Variants in INTS1 observed in about 807,000 individuals in gnomAD.
INTS1 encodes the protein integrator complex subunit 1.
Under a neutral mutation model 241.6 loss-of-function variants are expected in INTS1, and 137 were observed. The observed-to-expected ratio is 0.57, with a 90% CI of 0.49 to 0.65. The LOEUF (loss-of-function observed/expected upper bound fraction) is 0.65, where lower values mean the gene tolerates loss of function less well. INTS1 is among the 30% of genes least tolerant of loss of function. INTS1 has a pLI of 0.00. For missense variants in INTS1, 3,073 were observed against 3,032.2 expected (o/e 1.01, Z -0.32); for synonymous variants, 1,692 against 1,337.8 (o/e 1.26, Z -5.78).
chr7:1,472,605 G>A (rs902810961), intron 43 of INTS1, among the ~76,000 whole-genome samples: 37 of 152,268 alleles, frequency 2.4e-4, no homozygotes, highest in African/African-American at 7.9e-4. Flanking sequence ...TGGGTTTCTC[G>A]CAATGTGGGC....
intron 44 of INTS1, 179 bp from the exon 45 acceptor site, chr7:1,471,820 C>T (rs1317048649): frequency 8.0e-6 from 5 of 621,408 alleles, no homozygotes; most frequent in African/African-American, 1.8e-5. Flanking sequence ...AATACCCGGC[C>T]CTGCCCCTAC....
intron 44 of INTS1, 200 bp from the exon 45 acceptor site, chr7:1,471,841 C>CAAG: frequency 3.3e-6 from 2 of 603,840 alleles, no homozygotes; most frequent in African/African-American, 3.7e-5. Flanking sequence ...TAGTGGCCTC[C>CAAG]AAGGAGAGGG....
rs118164482 is a variant in INTS1, at chr7:1,490,011, G to A, written c.2166-329C>T. On this transcript the variant is annotated intron_variant, in intron 16 of 47. Coordinates refer to ENST00000404767, the MANE Select transcript of INTS1 (RefSeq NM_001080453.3). ...AACAGACACCACCCCAGGAGCCACC[G>A]AGATGGAATTATTGTAACGATACAA... Among the ~76,000 whole-genome samples, 831 of 152,310 alleles carry A rather than the reference G, an allele frequency of 5.5e-3. 7 individuals are homozygous for A. Among genetic ancestry groups the A allele is most frequent in the Non-Finnish European group, 0.01 (684 of 68,026 alleles).
intron 30 of INTS1, 145 bp from the exon 31 acceptor site, chr7:1,479,829 G>A (rs1198522689): frequency 2.2e-6 from 2 of 926,570 alleles, no homozygotes; most frequent in Non-Finnish European, 3.1e-6. Context: ...CTTGTGGCCT[G>A]AGGGGCCCAG....
chr7:1,492,627 T>G (rs1428604762), intron 16 of INTS1, among the ~76,000 whole-genome samples: 1 of 152,258 alleles, frequency 6.6e-6, no homozygotes, highest in African/African-American at 2.4e-5. Flanking sequence ...ATAAACTCGT[T>G]GTGTAAAAAA....
rs371125105 is a variant in INTS1, at chr7:1,496,020, G to A, written c.1711+136C>T. On this transcript the variant is annotated intron_variant, in intron 12 of 47. Coordinates refer to ENST00000404767, the MANE Select transcript of INTS1 (RefSeq NM_001080453.3). ...ACGGGGACGGCAGCTTCCAGGCTCC[G>A]TGTCCCCGAGTAGCCGTGCTGCGGG... 9.5e-4 allele frequency: 627 copies of A among 658,384 alleles called. 4 individuals carry two copies. The East Asian group carries it at 9.8e-3, about 10-fold the overall frequency. The allele number at this position is 658,384 out of a possible 1,614,324, so 40.8% of individuals were successfully genotyped here.
intron 3 of INTS1, 33 bp downstream of exon 3, chr7:1,502,868 G>T (rs987701771): frequency 1.9e-6 from 3 of 1,610,122 alleles, no homozygotes. Context: ...TGAGCTGAGG[G>T]GTGTTCTCGG....
chr7:1,490,852 C>T (rs562630711), intron 16 of INTS1, among the ~76,000 whole-genome samples: 170 of 152,340 alleles, frequency 1.1e-3, no homozygotes, highest in Non-Finnish European at 2.0e-3. Flanking sequence ...CATAGACGGA[C>T]AGAACAGACG....
Position 1,503,979 on chromosome 7 carries a change from G to C in INTS1, c.-19C>G, listed in dbSNP as rs1307548629. 6.5e-7 allele frequency: 1 copy of C among 1,538,950 alleles called. No individual in the cohort carries two copies. The highest frequency in any genetic ancestry group is 8.8e-7 in the Non-Finnish European group (1 of 1,142,210). The stretch of plus-strand genomic sequence containing the variant: ...GGTTCATCCTGCCCCGTCCCTCGCG[G>C]CTCCCGGCGGCTGCGGCGTCACCTG... On this transcript the variant is annotated 5_prime_UTR_variant, in exon 2 of 48. Transcript: ENST00000404767.
chr7:1,501,335 C>T (rs937806928), intron 3 of INTS1: 1 of 151,712 alleles, frequency 6.6e-6, no homozygotes, highest in Non-Finnish European at 1.5e-5. Flanking sequence ...AAATACATAT[C>T]CACACACATG....
chr7:1,495,380 TGTCCCGGCTCA>T, intron 13 of INTS1, 42 bp downstream of exon 13: 2 of 1,568,344 alleles, frequency 1.3e-6, no homozygotes, highest in Non-Finnish European at 1.7e-6. Context: ...GGCCCCGGCT[TGTCCCGGCTCA>T]GTGGGGTGTG....
At position 1,503,886 on chromosome 7, in the gene INTS1, C is replaced by T. The variant is rs771111090; in HGVS notation, c.58+17G>A. On this transcript the variant is annotated intron_variant, in intron 2 of 47. Transcript: ENST00000404767. ...CCCCAAAGACCCCCGGGCTGCAGAGCGAGGAGGGAGACGCACCTGAGGGTT... is the reference window on the plus strand; with the variant it reads ...CCCCAAAGACCCCCGGGCTGCAGAGTGAGGAGGGAGACGCACCTGAGGGTT... 21 of 1,381,712 alleles carry T rather than the reference C, an allele frequency of 1.5e-5. No homozygotes were observed. The East Asian group carries it at 6.0e-4, about 39-fold the overall frequency. 85.6% of individuals were successfully genotyped at this position (1,381,712 alleles called of 1,614,324 possible).
intron 21 of INTS1, 28 bp from the exon 22 acceptor site, chr7:1,486,802 T>C: frequency 6.2e-7 from 1 of 1,607,104 alleles, no homozygotes; most frequent in Non-Finnish European, 8.5e-7. Flanking sequence ...CTCTCAGGGG[T>C]GCAGGTGACA....
rs756036067 is a variant in INTS1 at position 1,482,499 on chromosome 7, G to A, written c.3703+47C>T. On this transcript the variant is annotated intron_variant, in intron 27 of 47. Transcript: ENST00000404767. ...CCACAAGGAGCAGGCAAGGGGCCCG[G>A]GACCCCTGAGTCAGCAGCCCCTGCC... 3.9e-6 allele frequency: 6 copies of A among 1,554,124 alleles called. No homozygotes were observed. The Admixed American group carries it at 9.4e-5, about 24-fold the overall frequency.
rs1284208843 is a variant in INTS1 at position 1,497,204 on chromosome 7, GA to G, written c.1535del (p.Phe512SerfsTer38). ...IIKQTKHEINFQAFCLGLMQE... is the reference protein window; with the variant it reads ...IIKQTKHEINXQAFCLGLMQE... ...GCATGAGCCCCAGGCAGAAGGCCTG[GA>G]AGTTGATCTCGTGCTTGGTCTGCTT... On this transcript the variant is annotated frameshift_variant, in exon 11 of 48. Coordinates refer to ENST00000404767, the MANE Select transcript of INTS1 (RefSeq NM_001080453.3). LOFTEE classifies it high-confidence loss of function. The surrounding 1 kb of genome is among the most constrained non-coding windows in gnomAD (Gnocchi z 5.3). 2 of 1,612,752 alleles carry G rather than the reference GA, an allele frequency of 1.2e-6. No individual in the cohort carries two copies. The highest frequency in any genetic ancestry group is 3.3e-5 in the Admixed American group (2 of 59,906).
rs1335920547 is a variant in INTS1, at chr7:1,473,677, G to A, written c.5846C>T (p.Ser1949Phe). The part of the protein sequence containing the change: ...IRLLLNYRKS[S>F]RHLAAFINKF... ...GTTGATGAAGGCAGCCAGATGGCGG[G>A]AGGACTTCCTGTAATTCTGCAAAGC... Residue 1949 changes from serine (S) to phenylalanine (F), a missense_variant, in exon 42 of 48, where the codon TCC becomes TTC. Physicochemically the swap from Ser to Phe is radical, Grantham distance 155. Transcript: ENST00000404767. 2.2e-5 allele frequency: 36 copies of A among 1,613,150 alleles called. No homozygotes were observed. The highest frequency in any genetic ancestry group is 3.3e-5 in the South Asian group (3 of 91,068).
At chr7:1,472,117 G>T in intron 44 of INTS1, 156 bp downstream of exon 44, 1 of 628,190 alleles carries the variant, frequency 1.6e-6, no homozygotes, top group Non-Finnish European at 2.8e-6. Context: ...CCTCTCTGGG[G>T]GTGCTCCCCA....
rs1319497320 is a variant in INTS1, at chr7:1,487,358, G to A, written c.2608C>T (p.Arg870Ter). The A allele has an allele frequency of 2.5e-6, 4 of 1,607,990 alleles. No individual in the cohort carries two copies. The highest frequency in any genetic ancestry group is 1.1e-5 in the South Asian group (1 of 89,858). ...LRLGHLLCRSRNPDFLLHIIQ... is the reference protein window; with the variant it reads ...LRLGHLLCRS ...ATGTGGAGGAGAAAGTCAGGGTTTCGGCTGCGGCACAAGAGGTGCCCGAGG... is the reference window on the plus strand; with the variant it reads ...ATGTGGAGGAGAAAGTCAGGGTTTCAGCTGCGGCACAAGAGGTGCCCGAGG... Residue 870 changes from arginine (R) to a stop codon, truncating the protein, a stop_gained, in exon 20 of 48, where the codon CGA becomes TGA. Transcript: ENST00000404767. LOFTEE classifies it high-confidence loss of function.
intron 8 of INTS1, 32 bp downstream of exon 8, chr7:1,498,943 G>GGGGGCC: frequency 6.5e-6 from 7 of 1,070,726 alleles, no homozygotes; most frequent in Non-Finnish European, 7.6e-6. Context: ...CCCACCCCCT[G>GGGGGCC]CCCCGCCCAC....
Sources: allele counts gnomAD v4.1 joint callset (sites outside exome capture counted in the v4.1 genomes callset), GRCh38; gene constraint gnomAD v4.1.1; non-coding constraint Gnocchi (gnomAD v3.1); transcripts MANE v1.5; gene names NCBI Gene and HGNC (gene_info 2026-07-23, HGNC 2026-07-21).